The following ACCSL variants were observed in gnomAD, a reference collection of about 807,000 sequenced individuals.
ACCSL encodes the protein probable inactive 1-aminocyclopropane-1-carboxylate synthase-like protein 2.
ACCSL carries 55 observed loss-of-function variants against 61.7 expected under a neutral mutation model. The ratio of observed to expected loss-of-function variants is 0.89; its 90% CI spans 0.72 to 1.12. The LOEUF (loss-of-function observed/expected upper bound fraction) is 1.12, where lower values mean the gene tolerates loss of function less well. Ranked by LOEUF, ACCSL falls within the 50% of genes most tolerant of loss-of-function variation. ACCSL has a pLI of 0.00. For synonymous variants in ACCSL, 258 were observed against 264.3 expected (o/e 0.98, Z 0.23); for missense variants, 632 against 698.0 (o/e 0.91, Z 1.07).
chr11:44,023,734 A>C, the ACCSL span, among the ~76,000 whole-genome samples: 1 of 151,406 alleles, frequency 6.6e-6, no homozygotes. Flanking sequence ...GAAGGTGGAA[A>C]GTTAGGTTAT....
chr11:44,034,266 C>T, the ACCSL span, among the ~76,000 whole-genome samples: 1 of 152,134 alleles, frequency 6.6e-6, no homozygotes, highest in Non-Finnish European at 1.5e-5. Flanking sequence ...ACTGGGTCAG[C>T]GAGGCACAGG....
chr11:43,980,780 C>T, the ACCSL span, among the ~76,000 whole-genome samples: 1 of 152,068 alleles, frequency 6.6e-6, no homozygotes, highest in East Asian at 1.9e-4. Flanking sequence ...TACCAAGTAC[C>T]AGGTACTGTG....
intron 6 of ACCSL, 99 bp downstream of exon 6, chr11:44,052,858 T>A (rs1952648258): frequency 1.4e-6 from 2 of 1,459,822 alleles, no homozygotes; most frequent in African/African-American, 2.8e-5. Context: ...CCCATCTAAG[T>A]GGTTGGGTAG....
the ACCSL span, among the ~76,000 whole-genome samples, chr11:44,030,524 C>T: frequency 6.6e-6 from 1 of 151,404 alleles, no homozygotes; most frequent in Admixed American, 6.6e-5. Flanking sequence ...GACTGCGTCC[C>T]TGTGGAAAAC....
the ACCSL span, among the ~76,000 whole-genome samples, chr11:43,978,703 G>A: frequency 1.3e-5 from 2 of 150,640 alleles, no homozygotes; most frequent in South Asian, 2.1e-4. Context: ...AAGGCTCACT[G>A]GGATTGATGG....
chr11:43,968,357 G>A, the ACCSL span, among the ~76,000 whole-genome samples: 1 of 143,114 alleles, frequency 7.0e-6, no homozygotes, highest in South Asian at 2.3e-4. Context: ...CACCCACACA[G>A]CCCTTTGCCC....
the ACCSL span, among the ~76,000 whole-genome samples, chr11:44,011,358 G>C: frequency 6.6e-6 from 1 of 152,156 alleles, no homozygotes; most frequent in Non-Finnish European, 1.5e-5. Flanking sequence ...TTTAAGTAAT[G>C]GTTGCCTTCC....
chr11:43,941,971 TAAAG>T, the ACCSL span, among the ~76,000 whole-genome samples: 1 of 150,794 alleles, frequency 6.6e-6, no homozygotes, highest in Non-Finnish European at 1.5e-5. Flanking sequence ...GAGACAAACA[TAAAG>T]AAGACATCTA....
At chr11:44,047,104 C>T (rs1952603264), upstream of ACCSL, among the ~76,000 whole-genome samples, 1 of 152,164 alleles carries the variant, frequency 6.6e-6, no homozygotes, top group African/African-American at 2.4e-5. Context: ...AGGTCTCACC[C>T]CAGACATACT....
At chr11:43,943,132 G>T in the ACCSL span, 1 of 1,501,702 alleles carries the variant, frequency 6.7e-7, no homozygotes, top group Non-Finnish European at 8.9e-7. The surrounding 1 kb of genome is among the most constrained non-coding windows in gnomAD (Gnocchi z 4.8). Context: ...CCATGGAGGA[G>T]GAGAAGGCCA....
At chr11:44,036,098 G>C in the ACCSL span, among the ~76,000 whole-genome samples, 1 of 152,206 alleles carries the variant, frequency 6.6e-6, no homozygotes, top group South Asian at 2.1e-4. Context: ...TGTTCCCCAG[G>C]GGGCAACCAG....
the ACCSL span, among the ~76,000 whole-genome samples, chr11:43,989,811 G>A: frequency 2.6e-5 from 4 of 152,218 alleles, no homozygotes; most frequent in South Asian, 8.3e-4. Flanking sequence ...GGGGTTGGGG[G>A]TGGAGTCTTC....
At chr11:43,931,092 CTT>C in the ACCSL span, among the ~76,000 whole-genome samples, 18 of 152,194 alleles carry the variant, frequency 1.2e-4, no homozygotes, top group Non-Finnish European at 2.6e-4. Context: ...TCAGCCAAGT[CTT>C]TGTGGTTTTC....
chr11:43,925,678 G>A, the ACCSL span, among the ~76,000 whole-genome samples: 12 of 151,888 alleles, frequency 7.9e-5, no homozygotes, highest in African/African-American at 2.2e-4. Context: ...CACATCTGCC[G>A]GAATGACTGT....
chr11:44,034,969 T>C, the ACCSL span, among the ~76,000 whole-genome samples: 1 of 152,214 alleles, frequency 6.6e-6, no homozygotes, highest in African/African-American at 2.4e-5. Context: ...TCCAGGTTTA[T>C]GAAATCTTGC....
At chr11:44,044,526 C>T (rs1952588617), upstream of ACCSL, among the ~76,000 whole-genome samples, 1 of 152,100 alleles carries the variant, frequency 6.6e-6, no homozygotes, top group Admixed American at 6.6e-5. Flanking sequence ...CTTCCCCTTA[C>T]ATGCACATGA....
At chr11:44,038,025 T>A in the ACCSL span, among the ~76,000 whole-genome samples, 1 of 152,174 alleles carries the variant, frequency 6.6e-6, no homozygotes, top group Non-Finnish European at 1.5e-5. Flanking sequence ...TCTGCCCTCA[T>A]GGAGTTTACC....
chr11:44,055,129 T>C (rs1952663088), intron 8 of ACCSL, 73 bp from the exon 9 acceptor site: 2 of 1,080,112 alleles, frequency 1.9e-6, no homozygotes, highest in Admixed American at 2.0e-5. Context: ...CAAAGATGCT[T>C]GTAAAAAGCA....
the ACCSL span, among the ~76,000 whole-genome samples, chr11:43,948,815 C>T: frequency 6.6e-6 from 1 of 152,172 alleles, no homozygotes; most frequent in Admixed American, 6.5e-5. Context: ...TGGCAGCTCT[C>T]CTGCTACAGG....
Sources: allele counts gnomAD v4.1 joint callset (sites outside exome capture counted in the v4.1 genomes callset), GRCh38; gene constraint gnomAD v4.1.1; non-coding constraint Gnocchi (gnomAD v3.1); transcripts MANE v1.5; gene names NCBI Gene and HGNC (gene_info 2026-07-23, HGNC 2026-07-21).